RAD51B: variants seen among roughly 807,000 people sequenced by gnomAD.
The protein encoded by RAD51B is RAD51 paralog B.
Under a neutral mutation model 42.2 loss-of-function variants are expected in RAD51B, and 38 were observed. The observed-to-expected ratio is 0.90, with a 90% CI of 0.70 to 1.18. The LOEUF (loss-of-function observed/expected upper bound fraction) is 1.18. Among genes scored for constraint, RAD51B ranks in the 50% most tolerant of loss-of-function variants. RAD51B has a pLI of 0.00. For missense variants in RAD51B, 373 were observed against 400.7 expected (o/e 0.93, Z 0.59); for synonymous variants, 154 against 145.2 (o/e 1.06, Z -0.43).
At chr14:67,895,329 G>A (rs1290183855) in intron 7 of RAD51B, among the ~76,000 whole-genome samples, 1 of 152,168 alleles carries the variant, frequency 6.6e-6, no homozygotes, top group African/African-American at 2.4e-5. Context: ...GTACAGGGAT[G>A]CAGAGAATGA....
At chr14:67,941,656 T>G (rs2045213130) in intron 7 of RAD51B, among the ~76,000 whole-genome samples, 1 of 152,168 alleles carries the variant, frequency 6.6e-6, no homozygotes, top group Non-Finnish European at 1.5e-5. Flanking sequence ...TTTAGTAACC[T>G]TATCCTTCCC....
At chr14:68,252,897 A>G (rs2080667384) in intron 7 of RAD51B, among the ~76,000 whole-genome samples, 2 of 152,296 alleles carry the variant, frequency 1.3e-5, no homozygotes, top group East Asian at 1.9e-4. Flanking sequence ...CCTAGCCAAC[A>G]TGGCGAAACC....
At chr14:68,456,389 G>A (rs940391369) in intron 9 of RAD51B, among the ~76,000 whole-genome samples, 5 of 151,824 alleles carry the variant, frequency 3.3e-5, no homozygotes, top group African/African-American at 1.2e-4. Context: ...GTAAAAAGAT[G>A]GAAAAATACA....
chr14:68,567,926 A>G (rs750708768), intron 10 of RAD51B, among the ~76,000 whole-genome samples: 13 of 152,344 alleles, frequency 8.5e-5, no homozygotes, highest in Non-Finnish European at 1.3e-4. Context: ...GACATATTGC[A>G]TAGTTCCAGG....
At chr14:68,128,342 GC>G (rs2077815788) in intron 7 of RAD51B, among the ~76,000 whole-genome samples, 2 of 152,228 alleles carry the variant, frequency 1.3e-5, no homozygotes, top group Middle Eastern at 3.4e-3. Flanking sequence ...GAGTTTCTTT[GC>G]AATCAAATTA....
At chr14:68,104,238 A>G (rs187038532) in intron 7 of RAD51B, among the ~76,000 whole-genome samples, 33 of 152,300 alleles carry the variant, frequency 2.2e-4, no homozygotes, top group African/African-American at 7.5e-4. Context: ...TGAAAGGTTT[A>G]AAGAATCAGC....
chr14:67,863,750 T>C (rs1431786376), intron 4 of RAD51B, among the ~76,000 whole-genome samples: 3 of 152,188 alleles, frequency 2.0e-5, no homozygotes, highest in Non-Finnish European at 4.4e-5. Flanking sequence ...TAGCATGTGT[T>C]TAAAGGAGAT....
In RAD51B at chr14:68,212,312, C is replaced by T. The variant is rs116910654; in HGVS notation, c.757-79572C>T. Reference sequence around the variant, plus strand: ...TTACATGCTGTATGACCTAAGACCCCGCTCTAAAAAGGATATTATCTTTAC... The same window carrying T: ...TTACATGCTGTATGACCTAAGACCCTGCTCTAAAAAGGATATTATCTTTAC... On this transcript the variant is annotated intron_variant, in intron 7 of 10. Transcript: ENST00000471583. Among the ~76,000 whole-genome samples, 1,244 of 152,268 alleles carry T rather than the reference C, an allele frequency of 8.2e-3. 4 individuals carry two copies. The highest frequency in any genetic ancestry group is 0.011 in the Non-Finnish European group (725 of 68,018).
In RAD51B at chr14:68,673,425, CAT is replaced by C. The variant is rs1345687858; in HGVS notation, c.*11+22570_*11+22571del. 6.6e-5 allele frequency among the ~76,000 whole-genome samples: 10 copies of C among 151,136 alleles called. No individual in the cohort carries two copies. The East Asian group carries it at 1.4e-3, about 21-fold the overall frequency. On this transcript the variant is annotated intron_variant, in intron 11 of 11. Coordinates refer to the RAD51B transcript ENST00000488612. ...CATACACACACATACTGTATGCAAA[CAT>C]GTATACATGCACACACGTACACATA...
At chr14:68,311,600 G>A (rs1372502905) in intron 8 of RAD51B, among the ~76,000 whole-genome samples, 2 of 152,158 alleles carry the variant, frequency 1.3e-5, no homozygotes, top group African/African-American at 4.8e-5. Flanking sequence ...TAAAGAGAAG[G>A]TAACTGGGCC....
chr14:68,026,862 G>A (rs560671293), intron 7 of RAD51B, among the ~76,000 whole-genome samples: 1 of 152,224 alleles, frequency 6.6e-6, no homozygotes, highest in South Asian at 2.1e-4. Flanking sequence ...ATTGATATGT[G>A]AGATTTTGAT....
intron 7 of RAD51B, among the ~76,000 whole-genome samples, chr14:68,262,742 C>T (rs2080914430): frequency 1.3e-5 from 2 of 152,168 alleles, no homozygotes. Context: ...CCCTTCTCTC[C>T]TGAAGCTAAG....
Position 68,477,805 on chromosome 14 carries a change from C to T in RAD51B, c.*141C>T, listed in dbSNP as rs1882823417. The T allele has an allele frequency of 6.7e-7, 1 of 1,498,692 alleles. No individual in the cohort carries two copies. Among genetic ancestry groups the T allele is most frequent in the East Asian group, 2.4e-5 (1 of 42,020 alleles). 92.8% of individuals were successfully genotyped at this position (1,498,692 alleles called of 1,614,324 possible). ...TGCTGTTGAGATGGTAACAGATTTG[C>T]TCCTAAACCATTGAGCTAGCGATTT... On this transcript the variant is annotated 3_prime_UTR_variant, in exon 11 of 11. Transcript: ENST00000471583.
intron 8 of RAD51B, among the ~76,000 whole-genome samples, chr14:68,349,772 A>G (rs1403596868): frequency 6.6e-6 from 1 of 152,154 alleles, no homozygotes; most frequent in African/African-American, 2.4e-5. Context: ...GCTAGTCTAC[A>G]TTTCAGACAG....
chr14:67,960,544 A>G (rs1374754178), intron 7 of RAD51B, among the ~76,000 whole-genome samples: 1 of 152,230 alleles, frequency 6.6e-6, no homozygotes, highest in Non-Finnish European at 1.5e-5. Flanking sequence ...GTTTAGATAT[A>G]GCAGTTTACC....
chr14:68,336,529 CA>C (rs1229145758), intron 8 of RAD51B, among the ~76,000 whole-genome samples: 1 of 152,128 alleles, frequency 6.6e-6, no homozygotes, highest in African/African-American at 2.4e-5. Flanking sequence ...TGTTACTGTC[CA>C]ATACATAGAT....
At chr14:68,254,374 T>C (rs1460353836) in intron 7 of RAD51B, among the ~76,000 whole-genome samples, 2 of 152,226 alleles carry the variant, frequency 1.3e-5, no homozygotes, top group Non-Finnish European at 2.9e-5. Flanking sequence ...TCCATGAATT[T>C]AGATGAGAGG....
intron 7 of RAD51B, among the ~76,000 whole-genome samples, chr14:68,284,246 T>A (rs976083941): frequency 6.6e-6 from 1 of 152,236 alleles, no homozygotes; most frequent in Non-Finnish European, 1.5e-5. Context: ...TGCTCCTTCA[T>A]CCCCTTTTCC....
intron 10 of RAD51B, among the ~76,000 whole-genome samples, chr14:68,537,822 T>G (rs1887729480): frequency 6.6e-6 from 1 of 152,208 alleles, no homozygotes; most frequent in African/African-American, 2.4e-5. Flanking sequence ...TTTAAAATAT[T>G]TCCATGTGTA....
Sources: gnomAD v4.1 joint callset for allele counts (sites outside exome capture counted in the v4.1 genomes callset) on GRCh38, gnomAD v4.1.1 for gene constraint, MANE v1.5 for transcripts, NCBI Gene and HGNC (gene_info 2026-07-23, HGNC 2026-07-21) for gene names.